Variants in SSBP3 observed in about 807,000 individuals in gnomAD.
SSBP3 encodes the protein single stranded DNA binding protein 3, also known as single-stranded DNA-binding protein 3.
A neutral mutation model predicts 69.6 loss-of-function variants in SSBP3; 5 were observed. The ratio of observed to expected loss-of-function variants is 0.07; its 90% CI spans 0.04 to 0.15. The LOEUF (loss-of-function observed/expected upper bound fraction) is 0.15, where lower values mean the gene tolerates loss of function less well. Among genes scored for constraint, SSBP3 ranks in the 10% least tolerant of loss-of-function variants. SSBP3 has a pLI of 1.00. For synonymous variants in SSBP3, 196 were observed against 193.4 expected (o/e 1.01, Z -0.11); for missense variants, 312 against 534.0 (o/e 0.58, Z 4.10).
At chr1:54,376,208 GTT>G (rs1227514949) in intron 4 of SSBP3, among the ~76,000 whole-genome samples, 1 of 151,682 alleles carries the variant, frequency 6.6e-6, no homozygotes, top group Non-Finnish European at 1.5e-5. Flanking sequence ...GTGTGTGTGT[GTT>G]TGTCTCACAC....
chr1:54,364,913 C>T (rs1647005654), intron 4 of SSBP3, among the ~76,000 whole-genome samples: 1 of 152,158 alleles, frequency 6.6e-6, no homozygotes, highest in Non-Finnish European at 1.5e-5. Flanking sequence ...GGGGTTTGTG[C>T]TACATTTTAA....
At chr1:54,388,175 A>T (rs1648223801) in intron 4 of SSBP3, among the ~76,000 whole-genome samples, 1 of 151,962 alleles carries the variant, frequency 6.6e-6, no homozygotes, top group Admixed American at 6.6e-5. Flanking sequence ...TACTGAAATG[A>T]TCCAATTCTT....
chr1:54,235,234 G>A (rs945552175), intron 14 of SSBP3, among the ~76,000 whole-genome samples: 3 of 147,770 alleles, frequency 2.0e-5, no homozygotes, highest in Admixed American at 6.8e-5. Flanking sequence ...CTTTGCATCT[G>A]TAATTCATCA....
intron 4 of SSBP3, among the ~76,000 whole-genome samples, chr1:54,324,425 C>T (rs960773644): frequency 7.2e-5 from 11 of 152,030 alleles, no homozygotes; most frequent in Non-Finnish European, 1.5e-4. Flanking sequence ...AGTCCCCACC[C>T]CCACACCCCT....
intron 4 of SSBP3, among the ~76,000 whole-genome samples, chr1:54,387,085 G>A (rs1648142537): frequency 6.6e-6 from 1 of 152,158 alleles, no homozygotes; most frequent in South Asian, 2.1e-4. Flanking sequence ...CTGTCTTCCT[G>A]GGATGCCAGT....
chr1:54,316,705 T>TAAATAAATAAATA (rs1553137592), intron 4 of SSBP3, among the ~76,000 whole-genome samples: 4 of 80,806 alleles, frequency 5.0e-5, no homozygotes, highest in Non-Finnish European at 1.1e-4. Context: ...AATAAATAAA[T>TAAATAAATAAATA]AAATAAAATA....
At chr1:54,240,315 G>A (rs910674880) in intron 13 of SSBP3, among the ~76,000 whole-genome samples, 18 of 151,488 alleles carry the variant, frequency 1.2e-4, no homozygotes, top group South Asian at 2.1e-4. Context: ...AAAATTAGCC[G>A]GGCATGGTGG....
chr1:54,353,685 C>A (rs1223654739), intron 4 of SSBP3, among the ~76,000 whole-genome samples: 1 of 152,192 alleles, frequency 6.6e-6, no homozygotes, highest in Non-Finnish European at 1.5e-5. Context: ...GGCTGGCCTG[C>A]CCCATCCTAC....
intron 4 of SSBP3, among the ~76,000 whole-genome samples, chr1:54,377,951 A>C (rs1557577412): frequency 6.6e-6 from 1 of 152,192 alleles, no homozygotes; most frequent in African/African-American, 2.4e-5. Flanking sequence ...ATTTTAAGTA[A>C]GGAAAAATAC....
chr1:54,329,201 C>CGGGG (rs1646363171), intron 4 of SSBP3, among the ~76,000 whole-genome samples: 2 of 144,918 alleles, frequency 1.4e-5, no homozygotes, highest in African/African-American at 5.6e-5. Flanking sequence ...CCATCAAAGG[C>CGGGG]AGGGAGGGAG....
At chr1:54,357,834 T>C (rs766912331) in intron 4 of SSBP3, among the ~76,000 whole-genome samples, 1 of 152,194 alleles carries the variant, frequency 6.6e-6, no homozygotes, top group Non-Finnish European at 1.5e-5. Flanking sequence ...TTTGCTAGCA[T>C]GTTCACCTGC....
intron 4 of SSBP3, among the ~76,000 whole-genome samples, chr1:54,291,065 G>A (rs902870734): frequency 1.3e-5 from 2 of 152,198 alleles, no homozygotes; most frequent in Non-Finnish European, 2.9e-5. Context: ...ATTCCCTGGC[G>A]TGGACCCGCG....
chr1:54,348,404 T>G (rs1440605206), intron 4 of SSBP3, among the ~76,000 whole-genome samples: 1 of 152,016 alleles, frequency 6.6e-6, no homozygotes, highest in Non-Finnish European at 1.5e-5. Flanking sequence ...CCTCAGCCAG[T>G]CACATGCTTC....
At chr1:54,354,526 C>T (rs1207340481) in intron 4 of SSBP3, among the ~76,000 whole-genome samples, 1 of 152,104 alleles carries the variant, frequency 6.6e-6, no homozygotes, top group Non-Finnish European at 1.5e-5. Context: ...ATGTGGTTCT[C>T]GGCGTTCACA....
intron 4 of SSBP3, among the ~76,000 whole-genome samples, chr1:54,366,980 G>A (rs541261990): frequency 2.1e-4 from 32 of 152,160 alleles, no homozygotes; most frequent in African/African-American, 7.5e-4. Context: ...CAGAGCCTCC[G>A]AATCCCTCGT....
exon 1 of SSBP3, chr1:54,406,163 T>TC (rs1018447589): frequency 4.3e-5 from 19 of 442,934 alleles, no homozygotes; most frequent in African/African-American, 4.9e-5. Flanking sequence ...CTCCCCTCCC[T>TC]CCCCCCCAGG....
chr1:54,281,401 C>T (rs1045665964), intron 5 of SSBP3, 37 bp downstream of exon 5: 3 of 1,516,088 alleles, frequency 2.0e-6, no homozygotes, highest in East Asian at 4.9e-5. Flanking sequence ...GCCTGGAATA[C>T]AAGGTGGAGC....
chr1:54,274,228 G>A (rs935587269), intron 5 of SSBP3, among the ~76,000 whole-genome samples: 2 of 152,152 alleles, frequency 1.3e-5, no homozygotes, highest in African/African-American at 4.8e-5. Flanking sequence ...GGATCCCACC[G>A]CCCCACCCAG....
At chr1:54,382,233 A>C (rs1213472337) in intron 4 of SSBP3, among the ~76,000 whole-genome samples, 1 of 152,152 alleles carries the variant, frequency 6.6e-6, no homozygotes, top group East Asian at 1.9e-4. Context: ...TGCAGTAAGC[A>C]TTTTATTTTT....
Sources: gnomAD v4.1 joint callset for allele counts (sites outside exome capture counted in the v4.1 genomes callset) on GRCh38, gnomAD v4.1.1 for gene constraint, MANE v1.5 for transcripts, NCBI Gene and HGNC (gene_info 2026-07-23, HGNC 2026-07-21) for gene names.